LRRC57: variants seen among roughly 807,000 people sequenced by gnomAD.
The protein encoded by LRRC57 is leucine-rich repeat-containing protein 57.
Under a neutral mutation model 23.1 loss-of-function variants are expected in LRRC57, and 14 were observed. That is an observed-to-expected ratio of 0.61 (90% confidence interval 0.40 to 0.95). The LOEUF (loss-of-function observed/expected upper bound fraction) is 0.95. Among genes scored for constraint, LRRC57 ranks in the 40% least tolerant of loss-of-function variants. The pLI, the probability that LRRC57 is intolerant of heterozygous loss-of-function variation, is 0.00. For missense variants in LRRC57, 236 were observed against 284.4 expected (o/e 0.83, Z 1.22); for synonymous variants, 106 against 115.2 (o/e 0.92, Z 0.51).
In LRRC57 at chr15:42,539,974, T is replaced by C. The variant is rs1478203696; in HGVS notation, c.*4109A>G. The C allele has an allele frequency of 1.3e-5, 2 of 152,106 alleles. No homozygotes were observed. The highest frequency in any genetic ancestry group is 4.8e-5 in the African/African-American group (2 of 41,386). 9.4% of individuals were successfully genotyped at this position (152,106 alleles called of 1,614,324 possible). ...ATTTTGGGAGGCCAAGGCAGGTGGA[T>C]CAACTGAGGTCAGGAGTTTGAGATC... On this transcript the variant is annotated 3_prime_UTR_variant, in exon 6 of 6. Transcript: ENST00000397130.
intron 1 of LRRC57, 100 bp from the exon 2 acceptor site, chr15:42,548,556 C>T: frequency 1.1e-6 from 1 of 934,468 alleles, no homozygotes; most frequent in Non-Finnish European, 1.6e-6. Context: ...TCCCTGGCTC[C>T]TGGGGCCCGA....
chr15:42,535,352 T>C (rs1446383846), downstream of LRRC57, among the ~76,000 whole-genome samples: 1 of 152,214 alleles, frequency 6.6e-6, no homozygotes, highest in African/African-American at 2.4e-5. Context: ...TTGTGTTTAC[T>C]GGAGTAGCAC....
At chr15:42,544,839 ACAC>A (rs200936937) in intron 5 of LRRC57, among the ~76,000 whole-genome samples, 2 of 84,068 alleles carry the variant, frequency 2.4e-5, no homozygotes, top group African/African-American at 1.8e-4. Context: ...ACACACACAC[ACAC>A]TATATATATA....
At chr15:42,537,435 G>T (rs1039912366), downstream of LRRC57, among the ~76,000 whole-genome samples, 2 of 152,118 alleles carry the variant, frequency 1.3e-5, no homozygotes, top group African/African-American at 4.8e-5. Flanking sequence ...ATTCCCACTT[G>T]GTGGCAATGT....
At chr15:42,530,823 G>C in the LRRC57 span, among the ~76,000 whole-genome samples, 4 of 152,164 alleles carry the variant, frequency 2.6e-5, no homozygotes, top group Non-Finnish European at 5.9e-5. Context: ...TTTAAGCTTG[G>C]CTCTCTGTTA....
rs1263608020 is a variant in LRRC57, at chr15:42,547,521, G to A, written c.232C>T (p.Pro78Ser). The change falls in exon 4 of 6, where the codon CCT becomes TCT. Residue 78 changes from proline (P) to serine (S), a missense_variant. Transcript: ENST00000397130. ...SLNNNKLTVLPDEICNLKKLE... is the reference protein window; with the variant it reads ...SLNNNKLTVLSDEICNLKKLE... ...TTTTTCAGATTGCATATCTCATCAG[G>A]CAGAACAGCTGGCAAAGAAAAATTT... is the stretch of plus-strand genomic sequence containing the variant. 6.2e-7 allele frequency: 1 copy of A among 1,600,466 alleles called. No individual in the cohort carries two copies.
chr15:42,530,695 A>C, the LRRC57 span, among the ~76,000 whole-genome samples: 4 of 152,208 alleles, frequency 2.6e-5, no homozygotes, highest in Non-Finnish European at 5.9e-5. Context: ...GGCTGCAGTG[A>C]GCTGTGATTG....
At chr15:42,546,438 T>C (rs2057658584) in intron 4 of LRRC57, among the ~76,000 whole-genome samples, 1 of 151,958 alleles carries the variant, frequency 6.6e-6, no homozygotes. Context: ...TACAAGAATA[T>C]CCACTTAAGG....
chr15:42,533,745 G>A (rs1057063851), downstream of LRRC57, among the ~76,000 whole-genome samples: 3 of 152,152 alleles, frequency 2.0e-5, no homozygotes, highest in African/African-American at 7.2e-5. Flanking sequence ...ATTAATACAA[G>A]CATACCTCAG....
In LRRC57 at chr15:42,541,470, C is replaced by T. The variant is rs1013576789; in HGVS notation, c.*2613G>A. On this transcript the variant is annotated 3_prime_UTR_variant, in exon 6 of 6. Transcript: ENST00000397130. ...AGTGAGCCAAGATAGTGCTACTGCG[C>T]TCCAGTCTGGAATGAAATTCTGTCT... 3.3e-5 allele frequency: 5 copies of T among 152,296 alleles called. No homozygotes were observed. Among genetic ancestry groups the T allele is most frequent in the African/African-American group, 1.2e-4 (5 of 41,546 alleles). The allele number at this position is 152,296 out of a possible 1,614,324, so 9.4% of individuals were successfully genotyped here.
chr15:42,536,326 G>A (rs1302658423), downstream of LRRC57, among the ~76,000 whole-genome samples: 1 of 152,188 alleles, frequency 6.6e-6, no homozygotes, highest in African/African-American at 2.4e-5. Flanking sequence ...AGTAAAATGA[G>A]GTATGCCTAT....
intron 4 of LRRC57, among the ~76,000 whole-genome samples, chr15:42,545,959 G>A (rs533550276): frequency 5.3e-5 from 8 of 151,968 alleles, no homozygotes; most frequent in Non-Finnish European, 1.0e-4. Context: ...CTGCTCCCAC[G>A]TTTCCAACTT....
chr15:42,544,317 C>T (rs893112921), intron 5 of LRRC57, among the ~76,000 whole-genome samples, 193 bp from the exon 6 acceptor site: 5 of 152,010 alleles, frequency 3.3e-5, no homozygotes, highest in African/African-American at 1.2e-4. Context: ...AATCTCAACA[C>T]TTTGGGAGGC....
rs185145022 is a variant in LRRC57, at chr15:42,544,944, A to T, written c.678+133T>A. On this transcript the variant is annotated intron_variant, in intron 5 of 5. Transcript: ENST00000397130. ...ATCTTGGTACAATACCATTCAGCCA[A>T]TGCTTTGAATCTACTTCCAAAATGG... 6.3e-6 allele frequency: 4 copies of T among 634,770 alleles called. No homozygotes were observed. The East Asian group carries it at 1.2e-4, about 19-fold the overall frequency. 39.3% of individuals were successfully genotyped at this position (634,770 alleles called of 1,614,324 possible).
chr15:42,530,247 T>G, the LRRC57 span, among the ~76,000 whole-genome samples: 1 of 152,152 alleles, frequency 6.6e-6, no homozygotes, highest in African/African-American at 2.4e-5. Context: ...ATCAGCCTAT[T>G]TTGTTAACTA....
At chr15:42,531,750 C>T in the LRRC57 span, 174 of 272,668 alleles carry the variant, frequency 6.4e-4, 2 homozygotes, top group East Asian at 9.7e-3. Flanking sequence ...TCCTCATATA[C>T]TTCAGCAGGT....
chr15:42,534,914 G>A (rs184778136), downstream of LRRC57, among the ~76,000 whole-genome samples: 2 of 152,286 alleles, frequency 1.3e-5, no homozygotes, highest in East Asian at 3.9e-4. Flanking sequence ...TCCATTTATA[G>A]AGCACAGGTA....
the LRRC57 span, chr15:42,529,924 G>A: frequency 8.3e-7 from 1 of 1,203,422 alleles, no homozygotes; most frequent in Admixed American, 2.3e-5. Context: ...ATAAGCTCCT[G>A]TCCTCATAGG....
chr15:42,545,535 C>T (rs2057655047), intron 4 of LRRC57: 1 of 226,200 alleles, frequency 4.4e-6, no homozygotes, highest in South Asian at 1.7e-4. Context: ...ACTGTATGTT[C>T]ATTATAGAAA....
Sources: gnomAD v4.1 joint callset for allele counts (sites outside exome capture counted in the v4.1 genomes callset) on GRCh38, gnomAD v4.1.1 for gene constraint, MANE v1.5 for transcripts, NCBI Gene and HGNC (gene_info 2026-07-23, HGNC 2026-07-21) for gene names.